Variants in LY86 observed in about 807,000 individuals in gnomAD.
The protein encoded by LY86 is MD-1, RP105-associated.
A neutral mutation model predicts 17.3 loss-of-function variants in LY86; 20 were observed. That is an observed-to-expected ratio of 1.15 (90% CI 0.81 to 1.68). LY86 has a LOEUF of 1.68. Ranked by LOEUF, LY86 falls within the 40% of genes most tolerant of loss-of-function variation. The pLI, the probability that LY86 is intolerant of heterozygous loss-of-function variation, is 0.00. For synonymous variants in LY86, 74 were observed against 70.6 expected, an observed-to-expected ratio of 1.05 and a Z score of -0.24; for missense variants, 200 against 191.9, an observed-to-expected ratio of 1.04 and a Z score of -0.25.
At chr6:6,601,401 C>T (rs1288214370) in intron 1 of LY86, among the ~76,000 whole-genome samples, 8 of 151,960 alleles carry the variant, frequency 5.3e-5, no homozygotes, top group Admixed American at 2.6e-4. Flanking sequence ...AGAGGGTAAG[C>T]TGCAATATAC....
intron 3 of LY86, among the ~76,000 whole-genome samples, chr6:6,629,935 G>A (rs1277740724): frequency 6.6e-6 from 1 of 152,172 alleles, no homozygotes. Flanking sequence ...TAAATTACAT[G>A]AAAATATACT....
intron 1 of LY86, 89 bp downstream of exon 1, chr6:6,588,959 G>GGA (rs112924538): frequency 0.72 from 1,074,344 of 1,483,210 alleles, 390,567 homozygotes; most frequent in Middle Eastern, 0.77. Context: ...AGTTGGGGTG[G>GGA]GAGGGGAGAG....
chr6:6,646,135 C>T (rs1762104086), intron 3 of LY86, among the ~76,000 whole-genome samples: 3 of 152,142 alleles, frequency 2.0e-5, no homozygotes, highest in Admixed American at 2.0e-4. Flanking sequence ...GGGCAAAGCA[C>T]CAGCATGACA....
rs994535280 is a variant in LY86 at position 6,626,181 on chromosome 6, A to G, written c.224-112A>G. ...GAAGAAAACTGTTCCCCACACAGAG[A>G]AGATTAATGGAAACAAAAGGTTCTT... On this transcript the variant is annotated intron_variant, in intron 2 of 4. Coordinates refer to ENST00000230568, the MANE Select transcript of LY86 (RefSeq NM_004271.4). 12 of 1,035,782 alleles carry G rather than the reference A, an allele frequency of 1.2e-5. No individual in the cohort carries two copies. In the Middle Eastern group the frequency reaches 6.5e-4, roughly 56 times the overall value. The allele number at this position is 1,035,782 out of a possible 1,614,324, so 64.2% of individuals were successfully genotyped here.
At chr6:6,601,683 G>T (rs1297049544) in intron 1 of LY86, among the ~76,000 whole-genome samples, 1 of 151,624 alleles carries the variant, frequency 6.6e-6, no homozygotes, top group Non-Finnish European at 1.5e-5. Context: ...TCGTGCCACT[G>T]CACTCCAGCC....
At chr6:6,643,815 C>T (rs1417863953) in intron 3 of LY86, among the ~76,000 whole-genome samples, 3 of 151,536 alleles carry the variant, frequency 2.0e-5, no homozygotes, top group Non-Finnish European at 4.4e-5. Flanking sequence ...ATATGCTAAC[C>T]ACGTTATACA....
intron 3 of LY86, 28 bp from the exon 4 acceptor site, chr6:6,649,597 A>T: frequency 7.2e-7 from 1 of 1,389,600 alleles, no homozygotes; most frequent in Non-Finnish European, 1.0e-6. Context: ...ATTGAATAAC[A>T]TCATCTATGC....
intron 3 of LY86, among the ~76,000 whole-genome samples, chr6:6,628,534 C>T (rs1038840110): frequency 3.9e-5 from 6 of 152,100 alleles, no homozygotes; most frequent in African/African-American, 1.4e-4. Flanking sequence ...ATCCCTTTCT[C>T]TCTCTGTCTC....
chr6:6,601,472 C>T (rs997785985), intron 1 of LY86, among the ~76,000 whole-genome samples: 5 of 152,284 alleles, frequency 3.3e-5, no homozygotes, highest in African/African-American at 1.2e-4. Flanking sequence ...CCTGTAATCC[C>T]AGCACTTTGG....
intron 4 of LY86, among the ~76,000 whole-genome samples, chr6:6,653,417 C>T (rs1762215934): frequency 6.6e-6 from 1 of 152,212 alleles, no homozygotes; most frequent in Admixed American, 6.5e-5. Flanking sequence ...TTGCGACCCT[C>T]CAACCACCCC....
At chr6:6,613,441 G>GA (rs2113122639) in intron 1 of LY86, among the ~76,000 whole-genome samples, 1 of 152,330 alleles carries the variant, frequency 6.6e-6, no homozygotes, top group African/African-American at 2.4e-5. Context: ...GCCGCGCCGG[G>GA]AGGCAGCCAA....
intron 4 of LY86, among the ~76,000 whole-genome samples, chr6:6,651,822 G>A (rs541677541): frequency 5.3e-5 from 8 of 152,096 alleles, no homozygotes; most frequent in South Asian, 2.1e-4. Context: ...TTCGGAGGCC[G>A]AGGCAGACAG....
chr6:6,605,478 A>G (rs562582896), intron 1 of LY86, among the ~76,000 whole-genome samples: 2 of 152,376 alleles, frequency 1.3e-5, no homozygotes, highest in East Asian at 3.9e-4. Context: ...CAAGTCTTCA[A>G]TAGCTATTAG....
intron 1 of LY86, among the ~76,000 whole-genome samples, chr6:6,603,615 C>CAAAAAAA (rs1221531073): frequency 1.8e-4 from 21 of 114,160 alleles, no homozygotes; most frequent in Non-Finnish European, 2.1e-4. Context: ...GAAAAAAAAA[C>CAAAAAAA]AAACAAAAAA....
intron 1 of LY86, among the ~76,000 whole-genome samples, chr6:6,610,368 T>C (rs1279388924): frequency 6.6e-6 from 1 of 152,226 alleles, no homozygotes; most frequent in African/African-American, 2.4e-5. Flanking sequence ...CTCTTGAGCC[T>C]GAGGCTACGC....
chr6:6,624,493 A>G (rs1490716798), intron 1 of LY86, among the ~76,000 whole-genome samples: 2 of 152,068 alleles, frequency 1.3e-5, no homozygotes, highest in East Asian at 3.8e-4. Context: ...GAGCCTAAGT[A>G]TTAATGTCTA....
intron 1 of LY86, among the ~76,000 whole-genome samples, chr6:6,612,191 G>A (rs1261090530): frequency 1.3e-5 from 2 of 152,180 alleles, no homozygotes; most frequent in South Asian, 2.1e-4. Flanking sequence ...CTGACTTCAA[G>A]AACGAAGCCA....
At chr6:6,650,008 G>T (rs1352866696) in intron 4 of LY86, among the ~76,000 whole-genome samples, 1 of 152,178 alleles carries the variant, frequency 6.6e-6, no homozygotes, top group Non-Finnish European at 1.5e-5. Flanking sequence ...CATTTGTGGG[G>T]TTCCATATGG....
intron 3 of LY86, among the ~76,000 whole-genome samples, chr6:6,627,581 G>T (rs957514128): frequency 6.6e-6 from 1 of 152,154 alleles, no homozygotes; most frequent in African/African-American, 2.4e-5. Flanking sequence ...ACCACGAGCT[G>T]CTTGAGGGTA....
Sources: allele counts gnomAD v4.1 joint callset (sites outside exome capture counted in the v4.1 genomes callset), GRCh38; gene constraint gnomAD v4.1.1; transcripts MANE v1.5; gene names NCBI Gene and HGNC (gene_info 2026-07-23, HGNC 2026-07-21).